The following ENPP1 variants were observed in gnomAD, a reference collection of about 807,000 sequenced individuals.
ENPP1 encodes the protein ectonucleotide pyrophosphatase/phosphodiesterase family member 1.
ENPP1 carries 73 observed loss-of-function variants against 122.8 expected under a neutral mutation model. The observed-to-expected ratio is 0.59, with a 90% CI of 0.49 to 0.72. ENPP1 has a LOEUF of 0.72. ENPP1 is among the 30% of genes least tolerant of loss of function. ENPP1 has a pLI of 0.00. For synonymous variants in ENPP1, 367 were observed against 391.6 expected, an observed-to-expected ratio of 0.94 and a Z score of 0.74; for missense variants, 978 against 1,128.1, an observed-to-expected ratio of 0.87 and a Z score of 1.91.
chr6:131,865,229 CTAAG>C (rs1782074332), intron 11 of ENPP1, among the ~76,000 whole-genome samples: 1 of 152,112 alleles, frequency 6.6e-6, no homozygotes, highest in Non-Finnish European at 1.5e-5. Flanking sequence ...GGCCTAAATA[CTAAG>C]TGCTTTTTGA....
In ENPP1 at chr6:131,813,667, G is replaced by A. The variant is rs185374613; in HGVS notation, c.240+5392G>A. ...CTTGGTGTCTTATTGCCACAGAGAC[G>A]TTTTCGCGGTCTTATTTCTATTGTA... On this transcript the variant is annotated intron_variant, in intron 1 of 24. Transcript: ENST00000647893. Among the ~76,000 whole-genome samples the A allele has an allele frequency of 1.5e-4, 23 of 152,256 alleles. No individual in the cohort carries two copies. The East Asian group carries it at 4.1e-3, about 27-fold the overall frequency.
At chr6:131,827,176 A>G (rs1414342437) in intron 1 of ENPP1, 6 of 757,678 alleles carry the variant, frequency 7.9e-6, no homozygotes, top group Admixed American at 3.5e-5. Context: ...GACATTTTCC[A>G]CAAGCTAATG....
chr6:131,891,217 G>A lies in ENPP1; in HGVS notation c.*706G>A, dbSNP rs1782465647. On this transcript the variant is annotated 3_prime_UTR_variant, in exon 25 of 25. Coordinates refer to ENST00000647893, the MANE Select transcript of ENPP1 (RefSeq NM_006208.3). ...TTACTTTGTATTTGTATTTAAAAAA[G>A]AAAAATATTCCTATCCTGCTCACTG... 1.3e-5 allele frequency: 2 copies of A among 151,234 alleles called. No homozygotes were observed. Among genetic ancestry groups the A allele is most frequent in the South Asian group, 4.2e-4 (2 of 4,802 alleles). 9.4% of individuals were successfully genotyped at this position (151,234 alleles called of 1,614,324 possible). A position where few individuals can be genotyped will look rare whatever the true frequency, so the allele number is the denominator to read the frequency against.
chr6:131,892,190 G>A lies in ENPP1; in HGVS notation c.*1679G>A, dbSNP rs1483550444. 1.3e-5 allele frequency: 2 copies of A among 152,126 alleles called. No individual in the cohort carries two copies. Among genetic ancestry groups the A allele is most frequent in the African/African-American group, 4.8e-5 (2 of 41,430 alleles). The allele number at this position is 152,126 out of a possible 1,614,324, so 9.4% of individuals were successfully genotyped here. On this transcript the variant is annotated 3_prime_UTR_variant, in exon 25 of 25. Transcript: ENST00000647893. ...GAAACATTTTCCTGTTTCTTGGTGT[G>A]TGGAATGATTTTTTATTGAAACCTG...
intron 1 of ENPP1, among the ~76,000 whole-genome samples, chr6:131,840,584 C>T (rs1296519951): frequency 2.0e-5 from 3 of 152,122 alleles, no homozygotes; most frequent in East Asian, 1.9e-4. Flanking sequence ...GCCGAAGGCT[C>T]CTGCCAACTT....
chr6:131,837,284 G>A (rs1781686776), intron 1 of ENPP1, among the ~76,000 whole-genome samples: 2 of 151,642 alleles, frequency 1.3e-5, no homozygotes, highest in African/African-American at 4.8e-5. Flanking sequence ...CCAGCACTTT[G>A]GGAGGCCAAG....
chr6:131,890,790 C>T lies in ENPP1; in HGVS notation c.*279C>T. ...CACCTAAAACTGCCTTTCTGCTTCT[C>T]TTAAAGGAGAAGTAGCTGTGAACAT... On this transcript the variant is annotated 3_prime_UTR_variant, in exon 25 of 25. Transcript: ENST00000647893. 2 of 439,692 alleles carry T rather than the reference C, an allele frequency of 4.5e-6. No homozygotes were observed. Among genetic ancestry groups the T allele is most frequent in the Non-Finnish European group, 8.3e-6 (2 of 241,468 alleles). The allele number at this position is 439,692 out of a possible 1,614,324, so 27.2% of individuals were successfully genotyped here. A position where few individuals can be genotyped will look rare whatever the true frequency, so the allele number is the denominator to read the frequency against.
At chr6:131,818,718 A>AT in intron 1 of ENPP1, among the ~76,000 whole-genome samples, 1 of 152,206 alleles carries the variant, frequency 6.6e-6, no homozygotes, top group East Asian at 1.9e-4. Flanking sequence ...TCTTTTTGAT[A>AT]TTCTATGTGA....
At chr6:131,885,404 C>CT (rs1432379766) in intron 23 of ENPP1, among the ~76,000 whole-genome samples, 2 of 152,078 alleles carry the variant, frequency 1.3e-5, no homozygotes, top group African/African-American at 4.8e-5. Flanking sequence ...AGATGAAGAA[C>CT]TCTATGGTGT....
At chr6:131,813,779 T>C (rs1562507363) in intron 1 of ENPP1, among the ~76,000 whole-genome samples, 1 of 152,202 alleles carries the variant, frequency 6.6e-6, no homozygotes, top group Non-Finnish European at 1.5e-5. Context: ...CTATTTTGAC[T>C]GAGAGCTCAG....
chr6:131,855,237 G>A (rs965183358), intron 6 of ENPP1, among the ~76,000 whole-genome samples: 3 of 152,058 alleles, frequency 2.0e-5, no homozygotes, highest in African/African-American at 4.8e-5. Context: ...AGTTATCTTC[G>A]AATTTTAACC....
chr6:131,889,431 G>A (rs900431154), intron 24 of ENPP1, among the ~76,000 whole-genome samples: 6 of 149,702 alleles, frequency 4.0e-5, no homozygotes, highest in Non-Finnish European at 7.4e-5. Context: ...TCCCCCACAC[G>A]TGTTTATGTG....
intron 1 of ENPP1, chr6:131,826,560 A>T: frequency 8.2e-7 from 1 of 1,218,894 alleles, no homozygotes; most frequent in Non-Finnish European, 1.2e-6. Context: ...GGTCTAACTC[A>T]TGCAAATTAT....
chr6:131,824,778 AGG>A (rs1479940110), intron 1 of ENPP1, among the ~76,000 whole-genome samples: 1 of 150,874 alleles, frequency 6.6e-6, no homozygotes, highest in Non-Finnish European at 1.5e-5. Flanking sequence ...GAGCAATTGG[AGG>A]CCGGGTGCAG....
At chr6:131,810,127 G>A (rs1781329815) in intron 1 of ENPP1, among the ~76,000 whole-genome samples, 1 of 152,168 alleles carries the variant, frequency 6.6e-6, no homozygotes, top group Non-Finnish European at 1.5e-5. Context: ...GGGAAGTTGA[G>A]GCGGTTCCAT....
At chr6:131,871,419 C>A (rs1033470511) in intron 13 of ENPP1, among the ~76,000 whole-genome samples, 13 of 152,080 alleles carry the variant, frequency 8.5e-5, no homozygotes, top group African/African-American at 2.9e-4. Flanking sequence ...TTCCTCATAC[C>A]CCTCTTATTT....
At chr6:131,813,461 C>T (rs142592955) in intron 1 of ENPP1, among the ~76,000 whole-genome samples, 2,348 of 151,188 alleles carry the variant, frequency 0.016, 65 homozygotes, top group African/African-American at 0.054. Flanking sequence ...ACCTGGGAGG[C>T]GGAGGTTGCA....
Position 131,892,227 on chromosome 6 carries a change from G to A in ENPP1, c.*1716G>A, listed in dbSNP as rs969372935. ...TTTATTGAAACCTGGATATTTTTAG[G>A]TATTATGTTATGAGACTATGGGTCT... On this transcript the variant is annotated 3_prime_UTR_variant, in exon 25 of 25. Coordinates refer to ENST00000647893, the MANE Select transcript of ENPP1 (RefSeq NM_006208.3). 3.3e-5 allele frequency: 5 copies of A among 151,912 alleles called. No homozygotes were observed. The highest frequency in any genetic ancestry group is 4.4e-5 in the Non-Finnish European group (3 of 67,978). 9.4% of individuals were successfully genotyped at this position (151,912 alleles called of 1,614,324 possible).
intron 1 of ENPP1, chr6:131,827,279 G>A: frequency 2.3e-6 from 3 of 1,306,006 alleles, no homozygotes; most frequent in South Asian, 1.2e-5. Flanking sequence ...AGAAGCGTCT[G>A]GAATAAAAAG....
Sources: gnomAD v4.1 joint callset for allele counts (sites outside exome capture counted in the v4.1 genomes callset) on GRCh38, gnomAD v4.1.1 for gene constraint, MANE v1.5 for transcripts, NCBI Gene and HGNC (gene_info 2026-07-23, HGNC 2026-07-21) for gene names.